IBTK: variants seen among roughly 807,000 people sequenced by gnomAD.
IBTK encodes the protein inhibitor of Bruton tyrosine kinase.
Under a neutral mutation model 154.9 loss-of-function variants are expected in IBTK, and 83 were observed. That is an observed-to-expected ratio of 0.54 (90% CI 0.45 to 0.64). The LOEUF is 0.64. Among genes scored for constraint, IBTK ranks in the 30% least tolerant of loss-of-function variants. The pLI is 0.00. For synonymous variants in IBTK, 515 were observed against 536.1 expected, an observed-to-expected ratio of 0.96 and a Z score of 0.54; for missense variants, 1,332 against 1,584.6, an observed-to-expected ratio of 0.84 and a Z score of 2.71.
intron 4 of IBTK, among the ~76,000 whole-genome samples, chr6:82,229,298 T>C (rs1770413792): frequency 6.6e-6 from 1 of 152,152 alleles, no homozygotes; most frequent in Non-Finnish European, 1.5e-5. Context: ...ACTAGTTCAC[T>C]CACAACCCTG....
At chr6:82,194,319 A>G (rs778490473) in intron 23 of IBTK, among the ~76,000 whole-genome samples, 160 bp downstream of exon 23, 1 of 152,186 alleles carries the variant, frequency 6.6e-6, no homozygotes, top group Non-Finnish European at 1.5e-5. Context: ...GGGGAAGCCT[A>G]TTATAGCTGG....
Position 82,196,367 on chromosome 6 carries a change from T to C in IBTK, c.3105A>G (p.Ala1035=). The C allele has an allele frequency of 6.2e-7, 1 of 1,613,044 alleles. No individual in the cohort carries two copies. The highest frequency in any genetic ancestry group is 1.3e-5 in the African/African-American group (1 of 75,030). ...GTAAATCTCTAGGACTACCCACTCC[T>C]GCATAGCTTCCTTCAGAGTCTGATG... ...LLTSDSEGSY[A]GVGSPRDLQS... Residue 1035 remains alanine, a synonymous_variant, in exon 22 of 29, where the codon GCA becomes GCG. Transcript: ENST00000306270.
Position 82,202,574 on chromosome 6 carries a change from A to G in IBTK, c.2683T>C (p.Cys895Arg), listed in dbSNP as rs1769250174. The G allele has an allele frequency of 6.2e-7, 1 of 1,610,512 alleles. No individual in the cohort carries two copies. Among genetic ancestry groups the G allele is most frequent in the Non-Finnish European group, 8.5e-7 (1 of 1,178,296 alleles). ...ATATTCAATCCTATAAACTGTAAAC[A>G]AGACAGTTTCAACTGTTTTGCACTA... ...MYSAKQLKLSCLQFIGLNMAA... is the reference protein window; with the variant it reads ...MYSAKQLKLSRLQFIGLNMAA... The change falls in exon 18 of 29, where the codon TGT (cysteine) becomes CGT (arginine). Residue 895 changes from cysteine (C) to arginine (R), a missense_variant. Physicochemically the swap from Cys to Arg is radical, Grantham distance 180. Coordinates refer to ENST00000306270, the MANE Select transcript of IBTK (RefSeq NM_015525.4).
chr6:82,173,053 G>C (rs1767988076), intron 27 of IBTK: 1 of 203,680 alleles, frequency 4.9e-6, no homozygotes, highest in Non-Finnish European at 9.5e-6. Flanking sequence ...CCCGGCTGGA[G>C]TACAGTGGCA....
At chr6:82,181,098 A>G (rs2048968716) in intron 26 of IBTK, among the ~76,000 whole-genome samples, 1 of 152,174 alleles carries the variant, frequency 6.6e-6, no homozygotes, top group African/African-American at 2.4e-5. Flanking sequence ...AGCAGTATCA[A>G]AAATAGCTAG....
chr6:82,185,206 A>AC (rs1250788796), intron 25 of IBTK, among the ~76,000 whole-genome samples: 7 of 150,506 alleles, frequency 4.7e-5, no homozygotes, highest in African/African-American at 1.5e-4. Flanking sequence ...AAAAAAAAAA[A>AC]CAGATAAATC....
At chr6:82,216,031 T>C (rs1392001301) in intron 11 of IBTK, 45 bp downstream of exon 11, 1 of 1,438,816 alleles carries the variant, frequency 7.0e-7, no homozygotes, top group Admixed American at 2.2e-5. Context: ...GAAAATTCAG[T>C]GATTGTTCCT....
chr6:82,220,765 T>A, intron 8 of IBTK, 52 bp from the exon 9 acceptor site: 15 of 1,363,812 alleles, frequency 1.1e-5, no homozygotes, highest in Non-Finnish European at 1.4e-5. Context: ...AAACTACACA[T>A]GCCTAAACTT....
chr6:82,184,793 TTAA>T (rs1562073256), intron 25 of IBTK, among the ~76,000 whole-genome samples: 2 of 152,196 alleles, frequency 1.3e-5, no homozygotes, highest in African/African-American at 4.8e-5. Flanking sequence ...AACCTTAATA[TTAA>T]TGTAAACATA....
At chr6:82,193,273 A>T (rs548211453) in intron 23 of IBTK, among the ~76,000 whole-genome samples, 16 of 152,260 alleles carry the variant, frequency 1.1e-4, no homozygotes, top group African/African-American at 3.9e-4. Context: ...ATTGCTATGC[A>T]TTTTGTCAAT....
intron 21 of IBTK, among the ~76,000 whole-genome samples, 157 bp downstream of exon 21, chr6:82,199,984 G>A (rs1214447584): frequency 6.6e-6 from 1 of 152,026 alleles, no homozygotes; most frequent in African/African-American, 2.4e-5. Flanking sequence ...TACCTCTTTT[G>A]TGCTCCCAGA....
At chr6:82,175,389 G>A (rs1487312199) in intron 26 of IBTK, among the ~76,000 whole-genome samples, 2 of 152,230 alleles carry the variant, frequency 1.3e-5, no homozygotes, top group East Asian at 1.9e-4. Context: ...GACTCAGAAA[G>A]AGCTGTATAA....
chr6:82,212,498 G>GA (rs1344354236), intron 13 of IBTK, among the ~76,000 whole-genome samples: 3 of 152,064 alleles, frequency 2.0e-5, no homozygotes, highest in Non-Finnish European at 4.4e-5. Context: ...TCATCGGAAA[G>GA]AAAAAACTCC....
At chr6:82,184,710 C>G (rs939379643) in intron 25 of IBTK, among the ~76,000 whole-genome samples, 2 of 152,152 alleles carry the variant, frequency 1.3e-5, no homozygotes, top group African/African-American at 4.8e-5. Flanking sequence ...TGTGAACAAA[C>G]TAGTGAAAAT....
At chr6:82,179,202 T>A (rs1768224718) in intron 26 of IBTK, among the ~76,000 whole-genome samples, 1 of 152,186 alleles carries the variant, frequency 6.6e-6, no homozygotes, top group Admixed American at 6.5e-5. Flanking sequence ...GCTCTAACAG[T>A]AGACTGAATA....
Position 82,220,587 on chromosome 6 carries a change from T to C in IBTK, c.1248+3A>G. The C allele has an allele frequency of 6.2e-7, 1 of 1,604,340 alleles. No individual in the cohort carries two copies. The highest frequency in any genetic ancestry group is 8.5e-7 in the Non-Finnish European group (1 of 1,177,158). Reference sequence around the variant, plus strand: ...TTACACTTTTACATAAACATGTACTTACCCTTCCAGCTCCATCCATTGCAA... The same window carrying C: ...TTACACTTTTACATAAACATGTACTCACCCTTCCAGCTCCATCCATTGCAA... On this transcript the variant is annotated splice_donor_region_variant and intron_variant, in intron 9 of 28. Coordinates refer to ENST00000306270, the MANE Select transcript of IBTK (RefSeq NM_015525.4).
At chr6:82,196,831 T>C (rs2127805685) in intron 21 of IBTK, among the ~76,000 whole-genome samples, 1 of 152,316 alleles carries the variant, frequency 6.6e-6, no homozygotes. Flanking sequence ...TGTCTCTTGG[T>C]ACAGTGGTCT....
At chr6:82,245,978 A>T (rs898919329) in intron 1 of IBTK, among the ~76,000 whole-genome samples, 1 of 152,200 alleles carries the variant, frequency 6.6e-6, no homozygotes, top group East Asian at 1.9e-4. Context: ...TGTTTTATAC[A>T]TTATACACAG....
intron 2 of IBTK, among the ~76,000 whole-genome samples, chr6:82,238,439 T>G (rs1252097640): frequency 1.3e-5 from 2 of 152,044 alleles, no homozygotes; most frequent in Non-Finnish European, 1.5e-5. Context: ...TTAAACAATT[T>G]TAATGATTTT....
Sources: allele counts gnomAD v4.1 joint callset (sites outside exome capture counted in the v4.1 genomes callset), GRCh38; gene constraint gnomAD v4.1.1; transcripts MANE v1.5; gene names NCBI Gene and HGNC (gene_info 2026-07-23, HGNC 2026-07-21).